Variants in ZMYM2 observed in about 807,000 individuals in gnomAD.
ZMYM2 encodes zinc finger MYM-type containing 2.
A neutral mutation model predicts 162.8 loss-of-function variants in ZMYM2; 56 were observed. That is an observed-to-expected ratio of 0.34 (90% CI 0.28 to 0.43). ZMYM2 has a LOEUF of 0.43. Ranked by LOEUF, ZMYM2 falls within the 20% of genes least tolerant of loss-of-function variation. The pLI, the probability that ZMYM2 is intolerant of heterozygous loss-of-function variation, is 1.00. For missense variants in ZMYM2, 1,275 were observed against 1,621.8 expected (o/e 0.79, Z 3.67); for synonymous variants, 510 against 541.6 (o/e 0.94, Z 0.81).
chr13:19,921,549 T>G, the ZMYM2 span, among the ~76,000 whole-genome samples: 1 of 152,228 alleles, frequency 6.6e-6, no homozygotes. Flanking sequence ...ATGAATATAC[T>G]TAATATGCTT....
At position 20,073,332 on chromosome 13, in the gene ZMYM2, T is replaced by C. The variant is rs551404053; in HGVS notation, c.3453+5942T>C. On this transcript the variant is annotated intron_variant, in intron 21 of 24. Transcript: ENST00000610343. ...ATTTAGACTGTAATATAGCTACTTATATATAACTGCTTTAAGTTGTAACCA... is the reference window on the plus strand; with the variant it reads ...ATTTAGACTGTAATATAGCTACTTACATATAACTGCTTTAAGTTGTAACCA... 1.4e-4 allele frequency among the ~76,000 whole-genome samples: 21 copies of C among 152,336 alleles called. 1 individual carries two copies. In the East Asian group the frequency reaches 4.0e-3, roughly 29 times the overall value.
chr13:19,892,722 CT>C, the ZMYM2 span, among the ~76,000 whole-genome samples: 279 of 143,526 alleles, frequency 1.9e-3, no homozygotes, highest in Middle Eastern at 3.6e-3. Context: ...TTATTTTAAC[CT>C]TTTTTTTTTT....
intron 2 of ZMYM2, among the ~76,000 whole-genome samples, chr13:19,974,533 T>C (rs1174751372): frequency 6.6e-6 from 1 of 151,770 alleles, no homozygotes; most frequent in Non-Finnish European, 1.5e-5. Flanking sequence ...TGGAGTGCAG[T>C]GGTGTGATCT....
At chr13:19,969,603 AAG>A (rs1231810276) in intron 2 of ZMYM2, among the ~76,000 whole-genome samples, 2 of 152,218 alleles carry the variant, frequency 1.3e-5, no homozygotes, top group Admixed American at 6.5e-5. Context: ...GATTGAATAA[AAG>A]AGATCAGCAA....
intron 2 of ZMYM2, among the ~76,000 whole-genome samples, chr13:19,977,534 C>G (rs1484881443): frequency 1.3e-5 from 2 of 151,132 alleles, no homozygotes; most frequent in African/African-American, 4.9e-5. Flanking sequence ...TCTTTGTCAC[C>G]CGGGCTGGAG....
the ZMYM2 span, among the ~76,000 whole-genome samples, chr13:19,900,235 G>A: frequency 1.3e-5 from 2 of 152,126 alleles, no homozygotes; most frequent in East Asian, 3.9e-4. Flanking sequence ...GGAGGCGGAG[G>A]TTGCAGTGAG....
chr13:19,993,485 T>A lies in ZMYM2; in HGVS notation c.413T>A (p.Phe138Tyr). 6.2e-7 allele frequency: 1 copy of A among 1,614,116 alleles called. No individual in the cohort carries two copies. The highest frequency in any genetic ancestry group is 8.5e-7 in the Non-Finnish European group (1 of 1,180,008). The change falls in exon 3 of 25, where the codon TTT becomes TAT. Residue 138 changes from phenylalanine to tyrosine, a missense_variant. Coordinates refer to ENST00000610343, the MANE Select transcript of ZMYM2 (RefSeq NM_197968.4). ...GGGCAAGAGAAAAATTCCTCCAATT[T>A]TATTGAACGAAGACCTCCTGAGACT... ...NQGQEKNSSNFIERRPPETKN... is the reference protein window; with the variant it reads ...NQGQEKNSSNYIERRPPETKN...
the ZMYM2 span, among the ~76,000 whole-genome samples, chr13:19,884,572 T>A: frequency 6.6e-6 from 1 of 151,060 alleles, no homozygotes; most frequent in Non-Finnish European, 1.5e-5. Flanking sequence ...GAAACCTGTA[T>A]CAAAAAGAAA....
At chr13:20,014,621 T>A (rs111277486) in intron 6 of ZMYM2, among the ~76,000 whole-genome samples, 1 of 151,994 alleles carries the variant, frequency 6.6e-6, no homozygotes, top group Non-Finnish European at 1.5e-5. Flanking sequence ...GACCAACTTT[T>A]GGGTTTGTTT....
chr13:20,071,643 A>G (rs908863939), intron 21 of ZMYM2, among the ~76,000 whole-genome samples: 5 of 152,178 alleles, frequency 3.3e-5, no homozygotes, highest in Admixed American at 2.6e-4. Context: ...GACCTGGCAG[A>G]AGGGAGAGGA....
intron 14 of ZMYM2, among the ~76,000 whole-genome samples, chr13:20,057,126 A>G (rs1955857601): frequency 6.6e-6 from 1 of 152,164 alleles, no homozygotes; most frequent in Non-Finnish European, 1.5e-5. Flanking sequence ...TTCTTGAGAC[A>G]AAGTCTAACT....
chr13:19,916,648 T>C, the ZMYM2 span, among the ~76,000 whole-genome samples: 1 of 138,738 alleles, frequency 7.2e-6, no homozygotes, highest in East Asian at 2.1e-4. Context: ...CACTCATAGG[T>C]GGGAATTAAA....
chr13:19,934,887 C>G, the ZMYM2 span, among the ~76,000 whole-genome samples: 22 of 151,838 alleles, frequency 1.4e-4, no homozygotes. Context: ...CTGCCTCAGT[C>G]TCCTGAATAG....
chr13:19,975,679 A>G (rs1165574612), intron 2 of ZMYM2, among the ~76,000 whole-genome samples: 1 of 152,158 alleles, frequency 6.6e-6, no homozygotes, highest in Non-Finnish European at 1.5e-5. Context: ...TTTTGGGTTT[A>G]TATCTCACAA....
chr13:19,948,572 A>T, the ZMYM2 span, among the ~76,000 whole-genome samples: 1 of 152,246 alleles, frequency 6.6e-6, no homozygotes, highest in Non-Finnish European at 1.5e-5. Flanking sequence ...TGGAGACAGC[A>T]GAAAGATCAA....
intron 12 of ZMYM2, among the ~76,000 whole-genome samples, chr13:20,039,444 A>G (rs992507816): frequency 3.7e-4 from 53 of 145,020 alleles, no homozygotes; most frequent in African/African-American, 1.3e-3. Flanking sequence ...ATTTTGAGGT[A>G]TATTTCTTCA....
the ZMYM2 span, among the ~76,000 whole-genome samples, chr13:19,921,147 A>T: frequency 2.7e-5 from 4 of 150,378 alleles, no homozygotes; most frequent in African/African-American, 7.3e-5. Context: ...TTATTTATTT[A>T]ATTTTATTTT....
the ZMYM2 span, among the ~76,000 whole-genome samples, chr13:19,911,130 C>T: frequency 2.4e-4 from 35 of 145,400 alleles, no homozygotes; most frequent in African/African-American, 8.1e-4. Flanking sequence ...GATCTCGGCT[C>T]ACTGCAAACT....
chr13:19,979,664 A>G (rs1477739659), intron 2 of ZMYM2, among the ~76,000 whole-genome samples: 2 of 152,142 alleles, frequency 1.3e-5, no homozygotes, highest in African/African-American at 4.8e-5. Context: ...CAAACACACA[A>G]TCCCAAATTT....
Sources: allele counts gnomAD v4.1 joint callset (sites outside exome capture counted in the v4.1 genomes callset), GRCh38; gene constraint gnomAD v4.1.1; transcripts MANE v1.5; gene names NCBI Gene and HGNC (gene_info 2026-07-23, HGNC 2026-07-21).